The following TTC28 variants were observed in gnomAD, a reference collection of about 807,000 sequenced individuals.
TTC28 encodes the protein tetratricopeptide repeat domain 28.
TTC28 carries 61 observed loss-of-function variants against 198.0 expected under a neutral mutation model. That is an observed-to-expected ratio of 0.31 (90% CI 0.25 to 0.38). TTC28 has a LOEUF of 0.38. Among genes scored for constraint, TTC28 ranks in the 10% least tolerant of loss-of-function variants. TTC28 has a pLI of 1.00. For missense variants in TTC28, 2,678 were observed against 3,164.0 expected (o/e 0.85, Z 3.69); for synonymous variants, 1,171 against 1,297.8 (o/e 0.90, Z 2.10).
At chr22:28,353,667 AC>A (rs1457246504) in intron 2 of TTC28, among the ~76,000 whole-genome samples, 1 of 152,206 alleles carries the variant, frequency 6.6e-6, no homozygotes, top group Non-Finnish European at 1.5e-5. Context: ...ATGAAGGTGG[AC>A]CCTTACCTTA....
intron 2 of TTC28, among the ~76,000 whole-genome samples, chr22:28,611,428 A>C (rs1413930448): frequency 6.6e-6 from 1 of 152,040 alleles, no homozygotes; most frequent in East Asian, 1.9e-4. Context: ...CTTAAAGAAA[A>C]GAATTTTCAA....
intron 6 of TTC28, among the ~76,000 whole-genome samples, 165 bp from the exon 7 acceptor site, chr22:28,108,568 A>G (rs1000261657): frequency 1.2e-4 from 18 of 152,250 alleles, no homozygotes; most frequent in African/African-American, 3.4e-4. Context: ...CTCCACAGAG[A>G]GGATAGCTTA....
chr22:28,216,167 G>T (rs1409766819), intron 5 of TTC28, among the ~76,000 whole-genome samples: 1 of 152,188 alleles, frequency 6.6e-6, no homozygotes, highest in Non-Finnish European at 1.5e-5. Context: ...TTTGCAGAAT[G>T]AATGAATGAG....
intron 2 of TTC28, among the ~76,000 whole-genome samples, chr22:28,396,036 T>C (rs1303467447): frequency 6.6e-6 from 1 of 152,244 alleles, no homozygotes; most frequent in African/African-American, 2.4e-5. Context: ...TTATCATTAT[T>C]ATCCAATGTT....
rs1415760488 is a variant in TTC28, at chr22:28,181,530, A to AT, written c.934-17932dup. On this transcript the variant is annotated intron_variant, in intron 5 of 22. Transcript: ENST00000397906. ...AACTGCCAGAATTTATAATGATTTC[A>AT]TTTTTTTTAAAACTTGATGCTCAAT... Among the ~76,000 whole-genome samples the AT allele has an allele frequency of 3.3e-5, 5 of 152,060 alleles. No individual in the cohort carries two copies. The South Asian group carries it at 6.2e-4, about 19-fold the overall frequency.
intron 1 of TTC28, among the ~76,000 whole-genome samples, chr22:28,676,313 CAG>C: frequency 6.6e-6 from 1 of 152,122 alleles, no homozygotes; most frequent in Non-Finnish European, 1.5e-5. Context: ...GAGCTAAACT[CAG>C]AGACAGAAAG....
intron 5 of TTC28, among the ~76,000 whole-genome samples, chr22:28,294,800 C>T (rs2044860133): frequency 6.6e-6 from 1 of 152,074 alleles, no homozygotes; most frequent in African/African-American, 2.4e-5. Context: ...AACTCCTGAC[C>T]TCATGATCCG....
intron 2 of TTC28, among the ~76,000 whole-genome samples, chr22:28,450,477 A>G (rs1015409117): frequency 6.6e-6 from 1 of 152,214 alleles, no homozygotes; most frequent in Non-Finnish European, 1.5e-5. Context: ...GGACATAATA[A>G]TAACACCTAC....
At chr22:28,611,157 T>C (rs950086544) in intron 2 of TTC28, among the ~76,000 whole-genome samples, 5 of 152,154 alleles carry the variant, frequency 3.3e-5, no homozygotes, top group Non-Finnish European at 7.3e-5. Context: ...CTTCAGGATA[T>C]TATCCAAGAG....
intron 12 of TTC28, among the ~76,000 whole-genome samples, chr22:28,069,729 C>A (rs757863419): frequency 1.3e-5 from 2 of 152,056 alleles, no homozygotes; most frequent in Non-Finnish European, 2.9e-5. Flanking sequence ...TTTCATCCAA[C>A]TATTAATTAT....
chr22:28,351,795 TAA>T (rs2046000183), intron 2 of TTC28, among the ~76,000 whole-genome samples: 1 of 152,208 alleles, frequency 6.6e-6, no homozygotes, highest in South Asian at 2.1e-4. Context: ...AAGTCTGCTT[TAA>T]AGATAAGGAG....
intron 2 of TTC28, among the ~76,000 whole-genome samples, chr22:28,336,649 GATGGT>G (rs1311374183): frequency 6.6e-6 from 1 of 151,980 alleles, no homozygotes; most frequent in Non-Finnish European, 1.5e-5. Flanking sequence ...AGTATCATCT[GATGGT>G]ACTTTGTATT....
intron 2 of TTC28, among the ~76,000 whole-genome samples, chr22:28,475,452 C>T (rs1216636329): frequency 1.3e-5 from 2 of 152,084 alleles, no homozygotes; most frequent in Admixed American, 6.5e-5. Flanking sequence ...ATGGGGAAAG[C>T]GTGCAAACTC....
At chr22:28,444,781 C>T (rs2146238541) in intron 2 of TTC28, among the ~76,000 whole-genome samples, 1 of 152,330 alleles carries the variant, frequency 6.6e-6, no homozygotes, top group South Asian at 2.1e-4. Context: ...TCTCAAAAAA[C>T]TTAATAAGTA....
At chr22:28,254,312 G>A (rs898836509) in intron 5 of TTC28, among the ~76,000 whole-genome samples, 2 of 152,010 alleles carry the variant, frequency 1.3e-5, no homozygotes, top group African/African-American at 2.4e-5. Context: ...AGAGAATGTA[G>A]AGAAAACCAC....
chr22:28,129,585 T>C (rs1176257739), intron 6 of TTC28, among the ~76,000 whole-genome samples: 1 of 152,212 alleles, frequency 6.6e-6, no homozygotes, highest in Non-Finnish European at 1.5e-5. Flanking sequence ...GAGCTAGTAT[T>C]ACCTCCCTCA....
At chr22:28,123,945 T>C (rs1412512584) in intron 6 of TTC28, among the ~76,000 whole-genome samples, 1 of 152,108 alleles carries the variant, frequency 6.6e-6, no homozygotes, top group African/African-American at 2.4e-5. Flanking sequence ...ATCACACCAC[T>C]GCACTCCAAC....
At chr22:28,342,580 T>TA (rs134499) in intron 2 of TTC28, among the ~76,000 whole-genome samples, 32,741 of 152,040 alleles carry the variant, frequency 0.22, 3,766 homozygotes, top group Non-Finnish European at 0.25. Flanking sequence ...TTCTCATAGA[T>TA]AAAAATGGAC....
intron 2 of TTC28, among the ~76,000 whole-genome samples, chr22:28,586,776 T>A (rs2050325089): frequency 6.6e-6 from 1 of 152,218 alleles, no homozygotes; most frequent in South Asian, 2.1e-4. Flanking sequence ...TTAAAGCATA[T>A]ATAGAAAGTG....
Sources: allele counts gnomAD v4.1 joint callset (sites outside exome capture counted in the v4.1 genomes callset), GRCh38; gene constraint gnomAD v4.1.1; transcripts MANE v1.5; gene names NCBI Gene and HGNC (gene_info 2026-07-23, HGNC 2026-07-21).